SEC63: variants seen among roughly 807,000 people sequenced by gnomAD.
SEC63 encodes the protein translocation protein SEC63 homolog.
A neutral mutation model predicts 116.2 loss-of-function variants in SEC63; 56 were observed. That is an observed-to-expected ratio of 0.48 (90% confidence interval 0.39 to 0.60). SEC63 has a LOEUF of 0.60. SEC63 is among the 20% of genes least tolerant of loss of function. SEC63 has a pLI of 0.00. For synonymous variants in SEC63, 273 were observed against 294.6 expected (o/e 0.93, Z 0.75); for missense variants, 668 against 900.0 (o/e 0.74, Z 3.30).
Position 107,901,503 on chromosome 6 carries a change from A to G in SEC63, c.1224T>C (p.Thr408=), listed in dbSNP as rs369029608. 24 of 1,585,266 alleles carry G rather than the reference A, an allele frequency of 1.5e-5. No homozygotes were observed. The highest frequency in any genetic ancestry group is 2.1e-5 in the Non-Finnish European group (24 of 1,154,708). The change falls in exon 13 of 21, where the codon ACT becomes ACC. Residue 408 remains threonine (T), a synonymous_variant. Coordinates refer to ENST00000369002, the MANE Select transcript of SEC63 (RefSeq NM_007214.5). ...VSNHKKYKIK[T]IQDLVSLKES... Reference sequence around the variant, plus strand: ...CTTTTAAACTCACCAAATCCTGGATAGTTTTAATTTTATACTGAATAAAAA... The same window carrying G: ...CTTTTAAACTCACCAAATCCTGGATGGTTTTAATTTTATACTGAATAAAAA...
chr6:107,898,227 C>T (rs1786911337), intron 13 of SEC63, among the ~76,000 whole-genome samples: 2 of 148,966 alleles, frequency 1.3e-5, no homozygotes, highest in South Asian at 4.3e-4. Flanking sequence ...CGTACCACTG[C>T]ACTTCAGGGC....
At chr6:107,923,268 C>T (rs1240048853) in intron 3 of SEC63, among the ~76,000 whole-genome samples, 6 of 152,090 alleles carry the variant, frequency 3.9e-5, no homozygotes, top group Admixed American at 2.0e-4. Flanking sequence ...TGTGTCACCA[C>T]GTTCAGCTAA....
chr6:107,943,139 G>A (rs1488506551), intron 1 of SEC63, among the ~76,000 whole-genome samples: 1 of 152,210 alleles, frequency 6.6e-6, no homozygotes, highest in East Asian at 1.9e-4. Context: ...AGCGTCACAC[G>A]ATGTTTTAAG....
chr6:107,911,867 T>A (rs1440385689), intron 6 of SEC63, among the ~76,000 whole-genome samples: 1 of 152,174 alleles, frequency 6.6e-6, no homozygotes, highest in African/African-American at 2.4e-5. Flanking sequence ...TGGCCAAAGG[T>A]TCCTTTAGCT....
intron 2 of SEC63, among the ~76,000 whole-genome samples, chr6:107,927,104 C>A (rs976739935): frequency 4.6e-5 from 7 of 152,070 alleles, no homozygotes; most frequent in African/African-American, 1.7e-4. Context: ...ACTCTGTCAC[C>A]CAGGCTGGAG....
chr6:107,931,004 A>G (rs545366361), intron 1 of SEC63, among the ~76,000 whole-genome samples: 9 of 151,444 alleles, frequency 5.9e-5, no homozygotes, highest in African/African-American at 2.2e-4. Context: ...AAACAAAAAG[A>G]ACTTAAGTTT....
rs1786169856 is a variant in SEC63, at chr6:107,873,001, C to G, written c.2035-89G>C. 2.0e-5 allele frequency: 16 copies of G among 810,870 alleles called. No individual in the cohort carries two copies. In the South Asian group the frequency reaches 2.3e-4, roughly 12 times the overall value. The allele number at this position is 810,870 out of a possible 1,614,324, so 50.2% of individuals were successfully genotyped here. On this transcript the variant is annotated intron_variant, in intron 19 of 20. Coordinates refer to ENST00000369002, the MANE Select transcript of SEC63 (RefSeq NM_007214.5). The stretch of plus-strand genomic sequence containing the variant: ...ATTCCTAGACCACAGTATTTAACAG[C>G]CAGGTTTTTTCTGCAGATGATACAG...
Position 107,871,636 on chromosome 6 carries a change from T to C in SEC63, c.*68A>G. ...TCAGTTCTGTACTGTTTCTGGTTTA[T>C]GATACACTTCCAAAACAGCAAAAAA... On this transcript the variant is annotated 3_prime_UTR_variant, in exon 21 of 21. Transcript: ENST00000369002. 2.7e-6 allele frequency: 4 copies of C among 1,504,098 alleles called. No individual in the cohort carries two copies. Among genetic ancestry groups the C allele is most frequent in the Non-Finnish European group, 3.7e-6 (4 of 1,084,632 alleles). The allele number at this position is 1,504,098 out of a possible 1,614,324, so 93.2% of individuals were successfully genotyped here. A position where few individuals can be genotyped will look rare whatever the true frequency, so the allele number is the denominator to read the frequency against.
intron 6 of SEC63, among the ~76,000 whole-genome samples, chr6:107,912,099 C>T (rs1040119430): frequency 3.3e-5 from 5 of 152,128 alleles, no homozygotes; most frequent in Non-Finnish European, 7.4e-5. Flanking sequence ...AAACAAATTA[C>T]AGACTATGTG....
At chr6:107,943,797 G>T (rs1770424880) in intron 1 of SEC63, among the ~76,000 whole-genome samples, 1 of 152,194 alleles carries the variant, frequency 6.6e-6, no homozygotes, top group Non-Finnish European at 1.5e-5. Context: ...TGGCTGGAAT[G>T]GAAACAGCAA....
Position 107,929,449 on chromosome 6 carries a change from A to G in SEC63, c.190T>C (p.Leu64=). ...GGAATAATATTTGGCTGGGGTTTTA[A>G]TAACCGTAAACGATACCACATACAC... ...GRCMWYRLRL[L]KPQPNIIPTV... Residue 64 remains leucine, a synonymous_variant, in exon 2 of 21, where the codon TTA becomes CTA. Coordinates refer to ENST00000369002, the MANE Select transcript of SEC63 (RefSeq NM_007214.5). 1 of 1,599,052 alleles carries G rather than the reference A, an allele frequency of 6.3e-7. No homozygotes were observed. The highest frequency in any genetic ancestry group is 8.6e-7 in the Non-Finnish European group (1 of 1,166,474).
chr6:107,939,526 C>T (rs923193171), intron 1 of SEC63, among the ~76,000 whole-genome samples: 3 of 152,066 alleles, frequency 2.0e-5, no homozygotes, highest in Admixed American at 1.3e-4. Flanking sequence ...CCGAGGCAGA[C>T]GGATCGCGTG....
intron 1 of SEC63, among the ~76,000 whole-genome samples, chr6:107,937,123 A>ATTGT (rs1554239265): frequency 7.7e-6 from 1 of 129,916 alleles, no homozygotes; most frequent in East Asian, 2.2e-4. Flanking sequence ...TATGTACCAC[A>ATTGT]TTTTTTTTTT....
chr6:107,888,126 G>A (rs1193881916), intron 16 of SEC63, among the ~76,000 whole-genome samples: 1 of 152,144 alleles, frequency 6.6e-6, no homozygotes, highest in African/African-American at 2.4e-5. Flanking sequence ...CCAATTCTGT[G>A]AAGAAAGTCA....
intron 1 of SEC63, among the ~76,000 whole-genome samples, chr6:107,945,926 T>C (rs1463693195): frequency 6.6e-6 from 1 of 151,838 alleles, no homozygotes; most frequent in African/African-American, 2.4e-5. Flanking sequence ...TGTATTTTGT[T>C]TGTTTGTTTA....
chr6:107,886,432 A>G (rs1786530838), intron 16 of SEC63, among the ~76,000 whole-genome samples: 1 of 152,242 alleles, frequency 6.6e-6, no homozygotes, highest in Non-Finnish European at 1.5e-5. Flanking sequence ...GAATCGCCAC[A>G]CTGACTTCCA....
At chr6:107,909,059 A>C in intron 7 of SEC63, 24 bp from the exon 8 acceptor site, 1 of 1,509,674 alleles carries the variant, frequency 6.6e-7, no homozygotes, top group Non-Finnish European at 9.2e-7. Context: ...AAAATTAAAC[A>C]AGAAAGAAAG....
rs1203712828 is a variant in SEC63, at chr6:107,958,153, G to T, written c.-144C>A. 11 of 1,299,264 alleles carry T rather than the reference G, an allele frequency of 8.5e-6. No homozygotes were observed. The highest frequency in any genetic ancestry group is 5.9e-5 in the African/African-American group (4 of 67,840). 80.5% of individuals were successfully genotyped at this position (1,299,264 alleles called of 1,614,324 possible). A position where few individuals can be genotyped will look rare whatever the true frequency, so the allele number is the denominator to read the frequency against. ...CTCCCCGCCCCCACGCCACTCTCAC[G>T]GACACGCCGCCGCCACCTCTGCCGC... On this transcript the variant is annotated 5_prime_UTR_variant, in exon 1 of 21. Coordinates refer to ENST00000369002, the MANE Select transcript of SEC63 (RefSeq NM_007214.5).
rs780527173 is a variant in SEC63, at chr6:107,872,834, C to T, written c.2113G>A (p.Gly705Ser). The T allele has an allele frequency of 6.4e-7, 1 of 1,555,816 alleles. No individual in the cohort carries two copies. The highest frequency in any genetic ancestry group is 8.7e-7 in the Non-Finnish European group (1 of 1,145,460). Residue 705 changes from glycine (G) to serine (S), a missense_variant, in exon 20 of 21, where the codon GGT becomes AGT. Around this residue, in one of 5 missense-constraint regions of SEC63, gnomAD observed 85 missense variants for 116.3 expected, o/e 0.73. Coordinates refer to ENST00000369002, the MANE Select transcript of SEC63 (RefSeq NM_007214.5). ...TVFLRSDSYM[G>S]LDQIKPLKLE... ...TTCAATGGTTTAATCTGATCCAAAC[C>T]CATATAGGAGTCTGATCTCAGAAAC...
Sources: allele counts gnomAD v4.1 joint callset (sites outside exome capture counted in the v4.1 genomes callset), GRCh38; gene constraint gnomAD v4.1.1; regional missense constraint gnomAD v4.1.1; transcripts MANE v1.5; gene names NCBI Gene and HGNC (gene_info 2026-07-23, HGNC 2026-07-21).